The following PDE4D variants were observed in gnomAD, a reference collection of about 807,000 sequenced individuals.
PDE4D encodes the protein phosphodiesterase 4D.
Under a neutral mutation model 87.4 loss-of-function variants are expected in PDE4D, and 24 were observed. That is an observed-to-expected ratio of 0.27 (90% CI 0.20 to 0.39). The LOEUF (loss-of-function observed/expected upper bound fraction) is 0.39. PDE4D is among the 10% of genes least tolerant of loss of function. The pLI, the probability that PDE4D is intolerant of heterozygous loss-of-function variation, is 1.00. For synonymous variants in PDE4D, 384 were observed against 383.2 expected (o/e 1.00, Z -0.02); for missense variants, 714 against 1,041.0 (o/e 0.69, Z 4.32).
At chr5:59,005,744 AC>A (rs1381376383) in intron 6 of PDE4D, among the ~76,000 whole-genome samples, 6 of 152,216 alleles carry the variant, frequency 3.9e-5, no homozygotes, top group Non-Finnish European at 8.8e-5. Flanking sequence ...CCCTATTTTA[AC>A]ATGAAAAGAT....
At position 59,650,056 on chromosome 5, in the gene PDE4D, T is replaced by A. The variant is rs568620124; in HGVS notation, c.455+243112A>T. Among the ~76,000 whole-genome samples, 5 of 151,808 alleles carry A rather than the reference T, an allele frequency of 3.3e-5. No individual in the cohort carries two copies. The South Asian group carries it at 1.0e-3, about 32-fold the overall frequency. On this transcript the variant is annotated intron_variant, in intron 1 of 14. Transcript: ENST00000340635. ...AAAACAAACGTTCTTTATTTTGAAT[T>A]TGTTTTCAATGTACAAAAGGTTTAC...
At chr5:59,093,072 G>A (rs1580756506) in intron 5 of PDE4D, among the ~76,000 whole-genome samples, 1 of 152,280 alleles carries the variant, frequency 6.6e-6, no homozygotes, top group East Asian at 1.9e-4. Context: ...ATCAGCAAAG[G>A]AGAGATTTCT....
intron 1 of PDE4D, among the ~76,000 whole-genome samples, chr5:59,472,555 G>A (rs780615121): frequency 7.2e-5 from 11 of 152,202 alleles, no homozygotes; most frequent in African/African-American, 1.2e-4. Flanking sequence ...GCGAATATAC[G>A]AATATAACAT....
At chr5:59,440,235 G>A (rs772346859) in intron 1 of PDE4D, among the ~76,000 whole-genome samples, 1 of 152,170 alleles carries the variant, frequency 6.6e-6, no homozygotes, top group Non-Finnish European at 1.5e-5. Context: ...AACATAGAAT[G>A]TAAAGGCAAT....
intron 2 of PDE4D, among the ~76,000 whole-genome samples, chr5:60,121,196 G>GATAT (rs111720124): frequency 6.7e-6 from 1 of 148,440 alleles, no homozygotes; most frequent in African/African-American, 2.5e-5. Context: ...ATATATAGGA[G>GATAT]ATATATATAT....
At chr5:59,453,298 G>A (rs1902610) in intron 1 of PDE4D, among the ~76,000 whole-genome samples, 40,180 of 152,012 alleles carry the variant, frequency 0.26, 10,492 homozygotes, top group African/African-American at 0.68. Context: ...GCAATATTGA[G>A]ATTAGGTCAA....
intron 1 of PDE4D, among the ~76,000 whole-genome samples, chr5:59,650,028 C>A (rs574992671): frequency 1.3e-5 from 2 of 148,842 alleles, no homozygotes; most frequent in East Asian, 4.0e-4. Flanking sequence ...AGGTCTGAGC[C>A]TGAAAACAAA....
At chr5:59,762,838 G>A (rs1762301278) in intron 1 of PDE4D, among the ~76,000 whole-genome samples, 1 of 119,454 alleles carries the variant, frequency 8.4e-6, no homozygotes, top group African/African-American at 3.2e-5. Flanking sequence ...TACTAAAAAA[G>A]AGCAAACTGC....
At chr5:60,155,163 T>C (rs1781854597) in intron 2 of PDE4D, among the ~76,000 whole-genome samples, 1 of 152,224 alleles carries the variant, frequency 6.6e-6, no homozygotes, top group African/African-American at 2.4e-5. Context: ...CTTTAGTAGA[T>C]ACTGCCAAAG....
intron 5 of PDE4D, among the ~76,000 whole-genome samples, chr5:59,157,966 G>T (rs1780497203): frequency 6.6e-6 from 1 of 152,196 alleles, no homozygotes; most frequent in Admixed American, 6.5e-5. Context: ...CTGAGAGAAG[G>T]AAAGGGTATT....
intron 1 of PDE4D, among the ~76,000 whole-genome samples, chr5:60,398,178 T>C (rs1037413549): frequency 1.3e-5 from 2 of 152,222 alleles, no homozygotes; most frequent in Non-Finnish European, 1.5e-5. Flanking sequence ...GAAGACCTCC[T>C]ATTTTTGAAC....
chr5:60,043,613 C>T (rs1039471423), intron 2 of PDE4D, among the ~76,000 whole-genome samples: 3 of 149,884 alleles, frequency 2.0e-5, no homozygotes, highest in East Asian at 2.0e-4. Context: ...AGAAACCCTA[C>T]AAGACAGAAA....
intron 1 of PDE4D, among the ~76,000 whole-genome samples, chr5:59,523,806 TC>T (rs1277530463): frequency 6.6e-6 from 1 of 152,130 alleles, no homozygotes; most frequent in East Asian, 1.9e-4. Flanking sequence ...TGGAACAGAT[TC>T]CCCCATGCTG....
intron 3 of PDE4D, among the ~76,000 whole-genome samples, chr5:59,970,005 A>G (rs1760522953): frequency 6.6e-6 from 1 of 152,222 alleles, no homozygotes; most frequent in South Asian, 2.1e-4. Context: ...TAACTTCTGG[A>G]GAACAAGGAC....
rs958382779 is a variant in PDE4D, at chr5:60,337,372, T to C, written c.-90+150570A>G. ...CAAACTATATATATATATATATATATATATATATATATATATACACACACA... is the reference window on the plus strand; with the variant it reads ...CAAACTATATATATATATATATATACATATATATATATATATACACACACA... On this transcript the variant is annotated intron_variant, in intron 1 of 16. Coordinates refer to the PDE4D transcript ENST00000502484. Among the ~76,000 whole-genome samples, 9 of 116,998 alleles carry C rather than the reference T, an allele frequency of 7.7e-5. 1 individual carries two copies. Among genetic ancestry groups the C allele is most frequent in the African/African-American group, 3.1e-4 (9 of 28,664 alleles). The allele number at this position is 116,998 out of a possible 152,430, so 76.8% of individuals were successfully genotyped here. A position where few individuals can be genotyped will look rare whatever the true frequency, so the allele number is the denominator to read the frequency against.
chr5:59,065,063 TATATACACACACACACACACACACAC>T lies in PDE4D; in HGVS notation c.809-26118_809-26093del, dbSNP rs1352765202. ...GAATGGACAAAGGAAATGTGATATA[TATATACACACACACACACACACACAC>T]ACACACACACACACACACACACACA... On this transcript the variant is annotated intron_variant, in intron 5 of 14. Transcript: ENST00000340635. 7.8e-3 allele frequency among the ~76,000 whole-genome samples: 857 copies of T among 109,278 alleles called. 19 individuals are homozygous for T. Among genetic ancestry groups the T allele is most frequent in the Middle Eastern group, 0.02 (5 of 254 alleles). 71.7% of individuals were successfully genotyped at this position (109,278 alleles called of 152,430 possible). A position where few individuals can be genotyped will look rare whatever the true frequency, so the allele number is the denominator to read the frequency against.
chr5:59,497,118 C>T (rs554082344), intron 1 of PDE4D, among the ~76,000 whole-genome samples: 1 of 152,262 alleles, frequency 6.6e-6, no homozygotes, highest in East Asian at 1.9e-4. Context: ...TGAAGCTGAT[C>T]CACCCATACA....
chr5:59,394,848 C>G (rs1053124148), intron 1 of PDE4D, among the ~76,000 whole-genome samples: 1 of 152,046 alleles, frequency 6.6e-6, no homozygotes, highest in Non-Finnish European at 1.5e-5. Flanking sequence ...GAGTGCCAGA[C>G]AGTAGGCGCA....
intron 1 of PDE4D, among the ~76,000 whole-genome samples, chr5:59,815,505 G>A (rs77352764): frequency 0.023 from 3,549 of 152,182 alleles, 136 homozygotes; most frequent in African/African-American, 0.081. Flanking sequence ...ACTTAACTTC[G>A]CTCTTCCTCA....
Sources: allele counts gnomAD v4.1 joint callset (sites outside exome capture counted in the v4.1 genomes callset), GRCh38; gene constraint gnomAD v4.1.1; transcripts MANE v1.5; gene names NCBI Gene and HGNC (gene_info 2026-07-23, HGNC 2026-07-21).